Variants in CNTN5 observed in about 807,000 individuals in gnomAD.
CNTN5 encodes the protein contactin-5.
In CNTN5, 77 loss-of-function variants were observed where a neutral mutation model predicts 129.1. The ratio of observed to expected loss-of-function variants is 0.60; its 90% CI spans 0.50 to 0.72. The LOEUF (loss-of-function observed/expected upper bound fraction) is 0.72. CNTN5 is among the 30% of genes least tolerant of loss of function. The pLI is 0.00. For synonymous variants in CNTN5, 509 were observed against 465.6 expected, an observed-to-expected ratio of 1.09 and a Z score of -1.20; for missense variants, 1,478 against 1,328.8, an observed-to-expected ratio of 1.11 and a Z score of -1.75.
chr11:99,508,411 C>A (rs1300397793), intron 2 of CNTN5, among the ~76,000 whole-genome samples: 3 of 152,036 alleles, frequency 2.0e-5, no homozygotes, highest in African/African-American at 7.2e-5. Flanking sequence ...AACCCGTGGA[C>A]ACAGAGGGCC....
At chr11:99,723,055 A>T (rs1012153822) in intron 3 of CNTN5, among the ~76,000 whole-genome samples, 6 of 151,834 alleles carry the variant, frequency 4.0e-5, no homozygotes, top group African/African-American at 1.5e-4. Flanking sequence ...TTTAGACTCC[A>T]TGGGGATCTA....
chr11:100,196,148 G>A (rs965625866), intron 15 of CNTN5, among the ~76,000 whole-genome samples: 2 of 151,844 alleles, frequency 1.3e-5, no homozygotes, highest in Non-Finnish European at 2.9e-5. Flanking sequence ...ATGGGATTCC[G>A]GGACTTAAGC....
At chr11:100,326,092 T>C (rs1300010930) in intron 21 of CNTN5, among the ~76,000 whole-genome samples, 2 of 152,142 alleles carry the variant, frequency 1.3e-5, no homozygotes, top group Non-Finnish European at 1.5e-5. Flanking sequence ...AAAATATTCA[T>C]TGGAAGCAAT....
chr11:99,769,363 T>C (rs954312107), intron 3 of CNTN5, among the ~76,000 whole-genome samples: 1 of 152,164 alleles, frequency 6.6e-6, no homozygotes, highest in Admixed American at 6.6e-5. Flanking sequence ...CTAGTGGTGA[T>C]TTAACACAAA....
intron 3 of CNTN5, among the ~76,000 whole-genome samples, chr11:99,674,722 T>A (rs1953197169): frequency 6.6e-6 from 1 of 152,118 alleles, no homozygotes; most frequent in Non-Finnish European, 1.5e-5. Context: ...CCACAAAAAA[T>A]CCCTTCTTTA....
intron 13 of CNTN5, among the ~76,000 whole-genome samples, chr11:100,147,005 A>G (rs534457964): frequency 6.6e-6 from 1 of 152,156 alleles, no homozygotes; most frequent in African/African-American, 2.4e-5. Flanking sequence ...TCTCTTTGCT[A>G]GCATAATCCT....
At chr11:99,834,728 G>A (rs1947250051) in intron 4 of CNTN5, among the ~76,000 whole-genome samples, 1 of 152,066 alleles carries the variant, frequency 6.6e-6, no homozygotes, top group Admixed American at 6.6e-5. Context: ...ATTCCATATT[G>A]TTTTTCTCAA....
At chr11:99,971,686 C>T (rs1951259275) in intron 8 of CNTN5, among the ~76,000 whole-genome samples, 1 of 151,882 alleles carries the variant, frequency 6.6e-6, no homozygotes, top group African/African-American at 2.4e-5. Context: ...CATGAGAAAA[C>T]ATTATTCTCC....
intron 3 of CNTN5, among the ~76,000 whole-genome samples, chr11:99,594,813 C>A (rs1266039487): frequency 6.6e-6 from 1 of 152,202 alleles, no homozygotes; most frequent in Non-Finnish European, 1.5e-5. Flanking sequence ...GTGTTTTCAT[C>A]TCATTCAGAA....
chr11:99,916,813 A>G (rs768335912), intron 7 of CNTN5, among the ~76,000 whole-genome samples: 4 of 152,108 alleles, frequency 2.6e-5, no homozygotes, highest in Admixed American at 6.6e-5. Context: ...GGAACTTAGT[A>G]TAGCTTTACT....
chr11:99,256,308 T>A (rs1862373720), intron 1 of CNTN5, among the ~76,000 whole-genome samples: 1 of 152,090 alleles, frequency 6.6e-6, no homozygotes, highest in African/African-American at 2.4e-5. Flanking sequence ...AGACTTTCTC[T>A]GGTCTTACTG....
intron 16 of CNTN5, among the ~76,000 whole-genome samples, chr11:100,238,322 A>C (rs1231007174): frequency 6.7e-6 from 1 of 150,350 alleles, no homozygotes; most frequent in Non-Finnish European, 1.5e-5. Context: ...AAAATAACCC[A>C]GGATGGGATT....
intron 3 of CNTN5, among the ~76,000 whole-genome samples, chr11:99,599,470 G>T (rs187151879): frequency 6.6e-6 from 1 of 152,050 alleles, no homozygotes; most frequent in Non-Finnish European, 1.5e-5. Context: ...TAAGATGCCA[G>T]TTGCCTGCTA....
chr11:99,469,433 A>G lies in CNTN5; in HGVS notation c.-70-86712A>G, dbSNP rs904035385. On this transcript the variant is annotated intron_variant, in intron 2 of 24. Transcript: ENST00000524871. The stretch of plus-strand genomic sequence containing the variant: ...AAATATATCAGTATTTATTATTTTA[A>G]AAGTTGAATTATTCATGGTTCTCTT... 5.3e-4 allele frequency among the ~76,000 whole-genome samples: 81 copies of G among 152,230 alleles called. 1 individual carries two copies. Among genetic ancestry groups the G allele is most frequent in the Non-Finnish European group, 2.5e-4 (17 of 67,964 alleles).
At chr11:99,803,738 A>G (rs776841675) in intron 3 of CNTN5, among the ~76,000 whole-genome samples, 16 of 152,184 alleles carry the variant, frequency 1.1e-4, no homozygotes, top group Non-Finnish European at 1.9e-4. Flanking sequence ...GGAAAGGTGA[A>G]TCACAGAGGG....
chr11:100,113,829 A>T (rs1467498596), intron 13 of CNTN5, among the ~76,000 whole-genome samples: 2 of 152,088 alleles, frequency 1.3e-5, no homozygotes, highest in African/African-American at 4.8e-5. Flanking sequence ...ACACAAGCTC[A>T]AAAGTCTCCA....
At chr11:99,114,000 A>G (rs1292217305) in intron 1 of CNTN5, among the ~76,000 whole-genome samples, 2 of 152,160 alleles carry the variant, frequency 1.3e-5, no homozygotes, top group African/African-American at 4.8e-5. Context: ...CTTATCTATT[A>G]GTATAATCAT....
At position 99,798,503 on chromosome 11, in the gene CNTN5, C is replaced by T. The variant is rs1371008210; in HGVS notation, c.56-21041C>T. On this transcript the variant is annotated intron_variant, in intron 3 of 24. Transcript: ENST00000524871. ...GCGTACAGTTAGACAGCTATCCCAGCATCATTTTTTGAACAGGAGGTCCTT... is the reference window on the plus strand; with the variant it reads ...GCGTACAGTTAGACAGCTATCCCAGTATCATTTTTTGAACAGGAGGTCCTT... Among the ~76,000 whole-genome samples, 6 of 152,286 alleles carry T rather than the reference C, an allele frequency of 3.9e-5. No homozygotes were observed. The East Asian group carries it at 1.2e-3, about 29-fold the overall frequency.
chr11:99,639,559 GTTTTTTT>G (rs71050010), intron 3 of CNTN5, among the ~76,000 whole-genome samples: 3 of 70,322 alleles, frequency 4.3e-5, no homozygotes, highest in Admixed American at 4.6e-4. Flanking sequence ...TCACCTTTAT[GTTTTTTT>G]TTTTTTTTTT....
Sources: gnomAD v4.1 joint callset for allele counts (sites outside exome capture counted in the v4.1 genomes callset) on GRCh38, gnomAD v4.1.1 for gene constraint, MANE v1.5 for transcripts, NCBI Gene and HGNC (gene_info 2026-07-23, HGNC 2026-07-21) for gene names.